The following EPHA6 variants were observed in gnomAD, a reference collection of about 807,000 sequenced individuals.
EPHA6 encodes ephrin type-A receptor 6.
In EPHA6, 50 loss-of-function variants were observed where a neutral mutation model predicts 112.0. The ratio of observed to expected loss-of-function variants is 0.45; its 90% CI spans 0.36 to 0.56. The LOEUF (loss-of-function observed/expected upper bound fraction) is 0.56. Ranked by LOEUF, EPHA6 falls within the 20% of genes least tolerant of loss-of-function variation. The probability of loss-of-function intolerance (pLI) is 0.00; values close to 1 mark genes in which losing one functional copy is unlikely to be tolerated. For synonymous variants in EPHA6, 529 were observed against 490.7 expected (o/e 1.08, Z -1.03); for missense variants, 1,280 against 1,417.4 (o/e 0.90, Z 1.56).
At chr3:97,545,554 G>A (rs1307171582) in intron 11 of EPHA6, among the ~76,000 whole-genome samples, 1 of 152,144 alleles carries the variant, frequency 6.6e-6, no homozygotes, top group African/African-American at 2.4e-5. Context: ...GATTTGGGGT[G>A]GAGAGTTCTG....
intron 14 of EPHA6, among the ~76,000 whole-genome samples, chr3:97,678,224 T>A (rs1385538714): frequency 6.6e-6 from 1 of 152,190 alleles, no homozygotes; most frequent in African/African-American, 2.4e-5. Flanking sequence ...CCCAGCCTAG[T>A]GTATATGGCA....
rs2035820206 is a variant in EPHA6 at position 97,748,794 on chromosome 3, C to G, written c.*93C>G. On this transcript the variant is annotated 3_prime_UTR_variant, in exon 18 of 18. Transcript: ENST00000389672. ...CTCTCTTCTGATTCTCCAAACATCA[C>G]TTCACAAACTGCAGTCTTCTGTTCA... is the stretch of plus-strand genomic sequence containing the variant. 1.4e-6 allele frequency: 1 copy of G among 726,692 alleles called. No individual in the cohort carries two copies. 45.0% of individuals were successfully genotyped at this position (726,692 alleles called of 1,614,324 possible).
At chr3:97,190,919 G>T (rs1352460383) in intron 3 of EPHA6, among the ~76,000 whole-genome samples, 1 of 152,048 alleles carries the variant, frequency 6.6e-6, no homozygotes, top group Non-Finnish European at 1.5e-5. Flanking sequence ...TGCAAAAGGT[G>T]TAAGAACAAG....
At chr3:97,623,884 A>G (rs1477451866) in intron 13 of EPHA6, among the ~76,000 whole-genome samples, 1 of 151,712 alleles carries the variant, frequency 6.6e-6, no homozygotes, top group East Asian at 1.9e-4. Flanking sequence ...TTATGCAAAT[A>G]CCACAATATT....
At chr3:97,278,218 T>A (rs1272262684) in intron 5 of EPHA6, among the ~76,000 whole-genome samples, 1 of 152,202 alleles carries the variant, frequency 6.6e-6, no homozygotes, top group Admixed American at 6.5e-5. Flanking sequence ...AAATCAGAGT[T>A]TAGACCCAAT....
intron 5 of EPHA6, among the ~76,000 whole-genome samples, chr3:97,282,614 A>T (rs767454621): frequency 3.5e-4 from 53 of 152,110 alleles, no homozygotes; most frequent in Non-Finnish European, 6.6e-4. Flanking sequence ...AGACTAGATT[A>T]AAAAAATGTG....
chr3:97,297,716 C>T (rs572640742), intron 5 of EPHA6, among the ~76,000 whole-genome samples: 2 of 152,154 alleles, frequency 1.3e-5, no homozygotes, highest in South Asian at 4.1e-4. Flanking sequence ...ATTCATGTTT[C>T]TTGCACCCTC....
intron 10 of EPHA6, among the ~76,000 whole-genome samples, chr3:97,488,336 C>T (rs1044631918): frequency 1.3e-5 from 2 of 152,086 alleles, no homozygotes; most frequent in African/African-American, 4.8e-5. Context: ...CAGTTATCTG[C>T]AGGTAAAAGA....
intron 14 of EPHA6, among the ~76,000 whole-genome samples, chr3:97,652,605 CT>C (rs1328927703): frequency 6.6e-6 from 1 of 151,972 alleles, no homozygotes; most frequent in East Asian, 1.9e-4. Context: ...CTTTCTAGTA[CT>C]GGCCCTTTCA....
chr3:97,067,792 G>T (rs1052615850), intron 3 of EPHA6, among the ~76,000 whole-genome samples: 2 of 151,974 alleles, frequency 1.3e-5, no homozygotes, highest in African/African-American at 4.8e-5. Flanking sequence ...TGGGAAGAAG[G>T]CAGGCTGATT....
At chr3:97,740,707 C>G (rs1390862019) in intron 16 of EPHA6, among the ~76,000 whole-genome samples, 1 of 152,110 alleles carries the variant, frequency 6.6e-6, no homozygotes, top group East Asian at 1.9e-4. Context: ...ATAGTACTAT[C>G]TCTCTCCATT....
chr3:97,041,612 T>TGG (rs1197045223), intron 3 of EPHA6, among the ~76,000 whole-genome samples: 1 of 152,126 alleles, frequency 6.6e-6, no homozygotes, highest in Non-Finnish European at 1.5e-5. Context: ...TGTAGTCTAT[T>TGG]CTCACATCGC....
chr3:97,323,163 T>C (rs958232543), intron 5 of EPHA6, among the ~76,000 whole-genome samples: 2 of 151,968 alleles, frequency 1.3e-5, no homozygotes, highest in Non-Finnish European at 2.9e-5. Flanking sequence ...TCTGACAAGA[T>C]ATATGTTTCA....
At chr3:97,033,064 A>G (rs1233087782) in intron 3 of EPHA6, among the ~76,000 whole-genome samples, 1 of 151,820 alleles carries the variant, frequency 6.6e-6, no homozygotes, top group Non-Finnish European at 1.5e-5. Context: ...AAAAAAAGAA[A>G]GAAAAAAAAA....
chr3:97,184,759 C>A (rs1222003455), intron 3 of EPHA6, among the ~76,000 whole-genome samples: 1 of 152,150 alleles, frequency 6.6e-6, no homozygotes, highest in Non-Finnish European at 1.5e-5. Context: ...ATTGCCAAGT[C>A]AATCCTAAGC....
intron 13 of EPHA6, among the ~76,000 whole-genome samples, chr3:97,624,185 T>C (rs980872530): frequency 2.0e-5 from 3 of 151,704 alleles, no homozygotes; most frequent in Non-Finnish European, 4.4e-5. Flanking sequence ...AACATACATA[T>C]AGCTTTTATT....
chr3:97,417,656 C>T (rs1025976797), intron 6 of EPHA6, among the ~76,000 whole-genome samples: 1 of 151,950 alleles, frequency 6.6e-6, no homozygotes, highest in Non-Finnish European at 1.5e-5. Context: ...GGCTGTCAGT[C>T]TGGTGTAGTG....
intron 2 of EPHA6, among the ~76,000 whole-genome samples, chr3:96,880,398 G>A (rs1011016274): frequency 6.6e-6 from 1 of 151,982 alleles, no homozygotes; most frequent in African/African-American, 2.4e-5. Flanking sequence ...AGAAAATAAA[G>A]ACATATAGAA....
chr3:97,284,093 TTTAAA>T (rs1406275051), intron 5 of EPHA6, among the ~76,000 whole-genome samples: 2 of 152,120 alleles, frequency 1.3e-5, no homozygotes, highest in East Asian at 3.8e-4. Context: ...ATAATACATG[TTTAAA>T]TAAATAAATT....
Sources: allele counts gnomAD v4.1 joint callset (sites outside exome capture counted in the v4.1 genomes callset), GRCh38; gene constraint gnomAD v4.1.1; transcripts MANE v1.5; gene names NCBI Gene and HGNC (gene_info 2026-07-23, HGNC 2026-07-21).